PCDH15: variants seen among roughly 807,000 people sequenced by gnomAD.
PCDH15 encodes the protein protocadherin-15.
In PCDH15, 129 loss-of-function variants were observed where a neutral mutation model predicts 178.5. That is an observed-to-expected ratio of 0.72 (90% CI 0.63 to 0.84). The LOEUF (loss-of-function observed/expected upper bound fraction) is 0.84, where lower values mean the gene tolerates loss of function less well. Among genes scored for constraint, PCDH15 ranks in the 40% least tolerant of loss-of-function variants. The pLI is 0.00. For missense variants in PCDH15, 2,230 were observed against 2,099.9 expected (o/e 1.06, Z -1.21); for synonymous variants, 800 against 732.0 (o/e 1.09, Z -1.50).
chr10:55,063,079 C>T (rs935493943), intron 2 of PCDH15, among the ~76,000 whole-genome samples: 2 of 152,070 alleles, frequency 1.3e-5, no homozygotes, highest in Non-Finnish European at 2.9e-5. Context: ...TTCAAATTGT[C>T]CAAGGGAACA....
intron 1 of PCDH15, among the ~76,000 whole-genome samples, chr10:55,209,818 C>G (rs909979855): frequency 6.6e-6 from 1 of 152,020 alleles, no homozygotes; most frequent in Non-Finnish European, 1.5e-5. Context: ...GATATAAGCA[C>G]TATGCTCAAA....
Position 55,534,509 on chromosome 10 carries a change from C to G in PCDH15, c.-156+93116G>C, listed in dbSNP as rs558575857. ...ATCACCAGAGAAATGAAAATCAAAA[C>G]CACAATGAGCTATCATCTCACACCA... On this transcript the variant is annotated intron_variant, in intron 2 of 5. Transcript: ENST00000613346. Among the ~76,000 whole-genome samples, 18 of 152,138 alleles carry G rather than the reference C, an allele frequency of 1.2e-4. No individual in the cohort carries two copies. The South Asian group carries it at 3.7e-3, about 31-fold the overall frequency.
intron 3 of PCDH15, among the ~76,000 whole-genome samples, chr10:54,446,927 A>G (rs1237480494): frequency 6.6e-6 from 1 of 151,540 alleles, no homozygotes; most frequent in Non-Finnish European, 1.5e-5. Context: ...GTTGCAACTA[A>G]CTGTTGAGAC....
chr10:55,107,929 T>C (rs1470813163), intron 2 of PCDH15, among the ~76,000 whole-genome samples: 1 of 152,178 alleles, frequency 6.6e-6, no homozygotes, highest in African/African-American at 2.4e-5. Context: ...CAGATTCACA[T>C]ATTGAGGCCC....
At chr10:54,919,108 ACTGT>A (rs1203746646) in intron 2 of PCDH15, among the ~76,000 whole-genome samples, 1 of 152,154 alleles carries the variant, frequency 6.6e-6, no homozygotes, top group Non-Finnish European at 1.5e-5. Context: ...TAAGTTGGAG[ACTGT>A]CTGCATAATT....
At chr10:55,084,393 C>G (rs1842112259) in intron 2 of PCDH15, among the ~76,000 whole-genome samples, 1 of 150,316 alleles carries the variant, frequency 6.7e-6, no homozygotes, top group Non-Finnish European at 1.5e-5. Context: ...AAACTAGACC[C>G]CTATCTCTTG....
chr10:54,822,492 T>C (rs1252958737), intron 3 of PCDH15, among the ~76,000 whole-genome samples: 3 of 152,310 alleles, frequency 2.0e-5, no homozygotes, highest in African/African-American at 7.2e-5. Flanking sequence ...TTAATCATAT[T>C]CCACTGTGTG....
intron 2 of PCDH15, among the ~76,000 whole-genome samples, chr10:55,050,355 C>T (rs1004660917): frequency 6.6e-6 from 1 of 151,820 alleles, no homozygotes. Flanking sequence ...AACAAAGTAC[C>T]TTGTACATTA....
chr10:55,512,023 A>G (rs2132152720), intron 2 of PCDH15, among the ~76,000 whole-genome samples: 1 of 152,186 alleles, frequency 6.6e-6, no homozygotes, highest in East Asian at 1.9e-4. Flanking sequence ...CTCTTTCTGA[A>G]GGGGAAAAAC....
chr10:53,809,003 C>T, intron 37 of PCDH15: 1 of 1,575,086 alleles, frequency 6.3e-7, no homozygotes, highest in Non-Finnish European at 8.6e-7. Context: ...TTTTGTTCTT[C>T]TTGTGGCTCC....
At chr10:53,861,133 A>T (rs1445757968) in intron 27 of PCDH15, among the ~76,000 whole-genome samples, 1 of 152,178 alleles carries the variant, frequency 6.6e-6, no homozygotes, top group East Asian at 1.9e-4. Flanking sequence ...TTGTTTTATC[A>T]TCTATAACAA....
intron 16 of PCDH15, among the ~76,000 whole-genome samples, chr10:54,089,349 A>G (rs886117375): frequency 2.0e-5 from 3 of 152,340 alleles, no homozygotes; most frequent in Admixed American, 2.0e-4. Context: ...CTCTTTAGAA[A>G]CCAGCCACAT....
chr10:54,422,517 A>G (rs1337364104), intron 3 of PCDH15, among the ~76,000 whole-genome samples: 1 of 152,160 alleles, frequency 6.6e-6, no homozygotes, highest in Admixed American at 6.5e-5. Flanking sequence ...GCTTCTCAAC[A>G]TCGGCACTAC....
chr10:55,379,578 G>A (rs2131999406), intron 2 of PCDH15, among the ~76,000 whole-genome samples: 1 of 152,028 alleles, frequency 6.6e-6, no homozygotes, highest in East Asian at 1.9e-4. Flanking sequence ...AAGACAGGGA[G>A]AAGTTAAGTA....
At chr10:55,470,223 G>T (rs1045323982) in intron 2 of PCDH15, among the ~76,000 whole-genome samples, 3 of 151,772 alleles carry the variant, frequency 2.0e-5, no homozygotes, top group Non-Finnish European at 4.4e-5. Flanking sequence ...AGGTGGTTTG[G>T]CCTATAGTCT....
chr10:54,491,383 TAAC>T lies in PCDH15; in HGVS notation c.157+36426_157+36428del, dbSNP rs2079576424. Among the ~76,000 whole-genome samples the T allele has an allele frequency of 2.0e-5, 3 of 151,664 alleles. No homozygotes were observed. In the South Asian group the frequency reaches 6.2e-4, roughly 32 times the overall value. ...AGAAATATGATCAAATTCACACAGT[TAAC>T]AACTGGAAAATTCTGAATGTAAAGA... On this transcript the variant is annotated intron_variant, in intron 3 of 37. Transcript: ENST00000644397.
chr10:54,702,087 T>G (rs1480826148), intron 1 of PCDH15, among the ~76,000 whole-genome samples: 1 of 151,710 alleles, frequency 6.6e-6, no homozygotes, highest in African/African-American at 2.4e-5. Flanking sequence ...GCAACAAAAT[T>G]GAAATCATAC....
intron 1 of PCDH15, among the ~76,000 whole-genome samples, chr10:55,217,209 G>T (rs1445502416): frequency 6.6e-6 from 1 of 151,822 alleles, no homozygotes; most frequent in Non-Finnish European, 1.5e-5. Flanking sequence ...CAACTCGAAA[G>T]AAATTTGTGA....
intron 1 of PCDH15, among the ~76,000 whole-genome samples, chr10:55,214,295 G>C (rs1245751272): frequency 2.7e-5 from 4 of 149,822 alleles, no homozygotes; most frequent in Non-Finnish European, 1.5e-5. Flanking sequence ...ATTTTATATA[G>C]CCTTATCATT....
Sources: allele counts gnomAD v4.1 joint callset (sites outside exome capture counted in the v4.1 genomes callset), GRCh38; gene constraint gnomAD v4.1.1; transcripts MANE v1.5; gene names NCBI Gene and HGNC (gene_info 2026-07-23, HGNC 2026-07-21).